TESK2: variants seen among roughly 807,000 people sequenced by gnomAD.
TESK2 encodes the protein testis associated actin remodelling kinase 2.
Under a neutral mutation model 57.1 loss-of-function variants are expected in TESK2, and 39 were observed. The ratio of observed to expected loss-of-function variants is 0.68; its 90% CI spans 0.53 to 0.89. The LOEUF (loss-of-function observed/expected upper bound fraction) is 0.89. Ranked by LOEUF, TESK2 falls within the 40% of genes least tolerant of loss-of-function variation. The pLI is 0.00. For missense variants in TESK2, 646 were observed against 732.1 expected, an observed-to-expected ratio of 0.88 and a Z score of 1.36; for synonymous variants, 249 against 267.9, an observed-to-expected ratio of 0.93 and a Z score of 0.69.
intron 1 of TESK2, among the ~76,000 whole-genome samples, chr1:45,459,978 G>GC (rs1652264767): frequency 6.6e-6 from 1 of 152,114 alleles, no homozygotes; most frequent in Non-Finnish European, 1.5e-5. Context: ...ACCAAATATC[G>GC]CATGTTCTCA....
At chr1:45,466,616 C>T (rs544794015) in intron 1 of TESK2, among the ~76,000 whole-genome samples, 20 of 151,412 alleles carry the variant, frequency 1.3e-4, no homozygotes, top group African/African-American at 4.3e-4. Flanking sequence ...CACCACTGCA[C>T]TCCAGTCTGG....
chr1:45,430,865 AT>A (rs1266977379), intron 2 of TESK2, among the ~76,000 whole-genome samples: 1 of 152,194 alleles, frequency 6.6e-6, no homozygotes, highest in African/African-American at 2.4e-5. Flanking sequence ...AGGTTGCGTT[AT>A]ATTTGTAGTT....
rs548015718 is a variant in TESK2 at position 45,388,758 on chromosome 1, T to C, written c.345-2798A>G. Reference sequence around the variant, plus strand: ...TTTTTTGAGACGGAGTCTCATTCTGTTGCCCAGGCTGGAGTGCAGTGGCGC... The same window carrying C: ...TTTTTTGAGACGGAGTCTCATTCTGCTGCCCAGGCTGGAGTGCAGTGGCGC... On this transcript the variant is annotated intron_variant, in intron 3 of 10. Coordinates refer to ENST00000372086, the MANE Select transcript of TESK2 (RefSeq NM_007170.3). Among the ~76,000 whole-genome samples, 6 of 144,684 alleles carry C rather than the reference T, an allele frequency of 4.1e-5. No individual in the cohort carries two copies. The South Asian group carries it at 1.4e-3, about 33-fold the overall frequency. The allele number at this position is 144,684 out of a possible 152,430, so 94.9% of individuals were successfully genotyped here. A position where few individuals can be genotyped will look rare whatever the true frequency, so the allele number is the denominator to read the frequency against.
At chr1:45,463,760 CT>C (rs991625976) in intron 1 of TESK2, among the ~76,000 whole-genome samples, 7 of 150,998 alleles carry the variant, frequency 4.6e-5, no homozygotes, top group Non-Finnish European at 1.0e-4. Context: ...AATTTTTGTA[CT>C]TTTTTTTTGT....
chr1:45,418,946 C>T (rs923264961), intron 3 of TESK2, among the ~76,000 whole-genome samples: 1 of 150,876 alleles, frequency 6.6e-6, no homozygotes, highest in African/African-American at 2.4e-5. Flanking sequence ...ATTCAAAGTC[C>T]GGTTCAAGTC....
At position 45,457,788 on chromosome 1, in the gene TESK2, T is replaced by C; in HGVS notation, c.-3A>G. ...GAATTCCGTTTGCTCCGATCCATAG[T>C]CTAAATAATCACTTTTTTCTTCTTT... On this transcript the variant is annotated 5_prime_UTR_variant, in exon 2 of 11. Transcript: ENST00000372086. 1.2e-6 allele frequency: 2 copies of C among 1,611,536 alleles called. No individual in the cohort carries two copies. Among genetic ancestry groups the C allele is most frequent in the South Asian group, 2.2e-5 (2 of 90,990 alleles).
chr1:45,433,853 C>A lies in TESK2; in HGVS notation c.223-12007G>T, dbSNP rs151289206. 5.6e-4 allele frequency among the ~76,000 whole-genome samples: 85 copies of A among 152,222 alleles called. No individual in the cohort carries two copies. The East Asian group carries it at 0.013, about 23-fold the overall frequency. ...AGTTCTATTTTTTACTTTTTTGAGA[C>A]ATCTCCATACTGTTTTCCATAGTGA... On this transcript the variant is annotated intron_variant, in intron 2 of 10. Coordinates refer to ENST00000372086, the MANE Select transcript of TESK2 (RefSeq NM_007170.3).
intron 1 of TESK2, among the ~76,000 whole-genome samples, chr1:45,479,143 T>A (rs1004218334): frequency 5.9e-5 from 9 of 152,166 alleles, no homozygotes; most frequent in Non-Finnish European, 1.0e-4. Context: ...GCCAAAAAAA[T>A]TTTTAACATC....
chr1:45,478,474 A>C (rs1217002970), intron 1 of TESK2, among the ~76,000 whole-genome samples: 1 of 152,246 alleles, frequency 6.6e-6, no homozygotes, highest in Non-Finnish European at 1.5e-5. Flanking sequence ...ACAAAGTATA[A>C]TACTACAATA....
At chr1:45,384,647 T>C (rs12739418) in intron 4 of TESK2, among the ~76,000 whole-genome samples, 51,255 of 139,210 alleles carry the variant, frequency 0.37, 12,029 homozygotes, top group East Asian at 0.51. Context: ...AGCCTTGCTA[T>C]GTTGCCCAGG....
chr1:45,418,277 G>A (rs1650330576), intron 3 of TESK2, among the ~76,000 whole-genome samples: 1 of 152,032 alleles, frequency 6.6e-6, no homozygotes, highest in Non-Finnish European at 1.5e-5. Context: ...AAATTCCTAA[G>A]CAGAATATCA....
At chr1:45,455,464 GAATTT>G (rs1652053689) in intron 2 of TESK2, among the ~76,000 whole-genome samples, 1 of 152,178 alleles carries the variant, frequency 6.6e-6, no homozygotes, top group Admixed American at 6.6e-5. Context: ...TACGGGAGAT[GAATTT>G]GAGGTTTTCC....
At chr1:45,400,625 TTCAG>T (rs567889209) in intron 3 of TESK2, among the ~76,000 whole-genome samples, 4 of 152,292 alleles carry the variant, frequency 2.6e-5, no homozygotes, top group African/African-American at 9.6e-5. Flanking sequence ...GGCATTCGCA[TTCAG>T]TCAGTCAAAT....
chr1:45,387,266 CA>C (rs1247206483), intron 3 of TESK2, among the ~76,000 whole-genome samples: 2 of 152,224 alleles, frequency 1.3e-5, no homozygotes, highest in Admixed American at 6.5e-5. Flanking sequence ...TGCTTACACA[CA>C]GACACAAAGT....
intron 4 of TESK2, among the ~76,000 whole-genome samples, chr1:45,358,577 T>C (rs1478121195): frequency 1.3e-5 from 2 of 152,174 alleles, no homozygotes; most frequent in Admixed American, 1.3e-4. Context: ...GAGTTTTGCA[T>C]ATATTATCTC....
At chr1:45,354,336 A>C (rs1267383094) in intron 5 of TESK2, among the ~76,000 whole-genome samples, 1 of 152,164 alleles carries the variant, frequency 6.6e-6, no homozygotes, top group African/African-American at 2.4e-5. Flanking sequence ...TTAAAAATAC[A>C]AAAGAAAGGC....
intron 3 of TESK2, among the ~76,000 whole-genome samples, chr1:45,389,489 G>A (rs578135845): frequency 2.0e-5 from 3 of 152,220 alleles, no homozygotes; most frequent in East Asian, 3.9e-4. Context: ...GAGCCACTTC[G>A]GGACTCTGCA....
chr1:45,346,872 G>C, intron 8 of TESK2, 93 bp from the exon 9 acceptor site: 1 of 1,531,984 alleles, frequency 6.5e-7, no homozygotes. Flanking sequence ...AGCTGCCCCT[G>C]ACAACCAGCA....
intron 1 of TESK2, among the ~76,000 whole-genome samples, chr1:45,461,047 C>T (rs1652310542): frequency 6.6e-6 from 1 of 151,694 alleles, no homozygotes; most frequent in African/African-American, 2.4e-5. Context: ...TTTTTGGAAA[C>T]ACAAGGTTTC....
Sources: allele counts gnomAD v4.1 joint callset (sites outside exome capture counted in the v4.1 genomes callset), GRCh38; gene constraint gnomAD v4.1.1; transcripts MANE v1.5; gene names NCBI Gene and HGNC (gene_info 2026-07-23, HGNC 2026-07-21).